Variants in BTBD9 observed in about 807,000 individuals in gnomAD.
BTBD9 encodes the protein BTB/POZ domain-containing protein 9.
Under a neutral mutation model 64.3 loss-of-function variants are expected in BTBD9, and 49 were observed. That is an observed-to-expected ratio of 0.76 (90% CI 0.61 to 0.97). BTBD9 has a LOEUF of 0.97. Among genes scored for constraint, BTBD9 ranks in the 50% least tolerant of loss-of-function variants. The pLI is 0.00. For missense variants in BTBD9, 598 were observed against 762.1 expected (o/e 0.78, Z 2.53); for synonymous variants, 260 against 274.7 (o/e 0.95, Z 0.53).
intron 9 of BTBD9, among the ~76,000 whole-genome samples, chr6:38,215,180 C>T (rs1158924341): frequency 1.3e-5 from 2 of 152,088 alleles, no homozygotes; most frequent in African/African-American, 4.8e-5. Context: ...CAGCAGTGAA[C>T]GTGTGCAATA....
chr6:38,587,766 A>G (rs111438882), intron 4 of BTBD9: 2 of 703,422 alleles, frequency 2.8e-6, no homozygotes, highest in Non-Finnish European at 5.4e-6. Flanking sequence ...GTAGGGAAGA[A>G]AAGCCTGCTT....
intron 9 of BTBD9, among the ~76,000 whole-genome samples, chr6:38,195,768 A>G (rs1425666026): frequency 1.3e-5 from 2 of 151,972 alleles, no homozygotes; most frequent in Non-Finnish European, 2.9e-5. Context: ...TACTTTTTAA[A>G]TTATTTTTTA....
At chr6:38,377,237 A>G (rs984288879) in intron 6 of BTBD9, among the ~76,000 whole-genome samples, 2 of 152,236 alleles carry the variant, frequency 1.3e-5, no homozygotes, top group Non-Finnish European at 1.5e-5. Context: ...AGTTTATTAT[A>G]TAACTATATA....
At chr6:38,368,315 T>C (rs1289670191) in intron 6 of BTBD9, among the ~76,000 whole-genome samples, 1 of 152,162 alleles carries the variant, frequency 6.6e-6, no homozygotes, top group Admixed American at 6.5e-5. Flanking sequence ...ATGCATGCGC[T>C]ATACTAGAGC....
At chr6:38,228,351 CAAAAAAA>C (rs1554130232) in intron 9 of BTBD9, among the ~76,000 whole-genome samples, 1 of 28,322 alleles carries the variant, frequency 3.5e-5, no homozygotes, top group Non-Finnish European at 6.6e-5. Flanking sequence ...TCCCCCCCCC[CAAAAAAA>C]AAAAAAAAAA....
chr6:38,356,609 T>G (rs1764738147), intron 6 of BTBD9, among the ~76,000 whole-genome samples: 1 of 152,192 alleles, frequency 6.6e-6, no homozygotes, highest in African/African-American at 2.4e-5. Context: ...TCCATATCCT[T>G]ATACAGGTTC....
intron 9 of BTBD9, among the ~76,000 whole-genome samples, chr6:38,224,848 A>G (rs911853163): frequency 6.6e-6 from 1 of 152,258 alleles, no homozygotes; most frequent in Non-Finnish European, 1.5e-5. Flanking sequence ...GGTAGTACTT[A>G]CATTGTTTAC....
At chr6:38,624,656 G>A (rs114079594) in intron 1 of BTBD9, among the ~76,000 whole-genome samples, 1,978 of 150,948 alleles carry the variant, frequency 0.013, 36 homozygotes, top group African/African-American at 0.044. Flanking sequence ...TACACAAAAT[G>A]GTACACAAAA....
At chr6:38,514,893 C>G (rs1475000018) in intron 6 of BTBD9, among the ~76,000 whole-genome samples, 1 of 152,150 alleles carries the variant, frequency 6.6e-6, no homozygotes. Flanking sequence ...TACAAGTGAC[C>G]TCTGGTTACC....
At chr6:38,327,525 C>G (rs564078540) in intron 7 of BTBD9, among the ~76,000 whole-genome samples, 1 of 152,306 alleles carries the variant, frequency 6.6e-6, no homozygotes, top group South Asian at 2.1e-4. Context: ...CAAAGACTGC[C>G]AAAATCTTTT....
chr6:38,474,571 A>G (rs912147411), intron 6 of BTBD9, among the ~76,000 whole-genome samples: 2 of 151,956 alleles, frequency 1.3e-5, no homozygotes, highest in East Asian at 1.9e-4. Flanking sequence ...GAGAAGAGAA[A>G]AGAAAAAGGA....
At chr6:38,327,131 G>A (rs994738872) in intron 7 of BTBD9, among the ~76,000 whole-genome samples, 1 of 152,040 alleles carries the variant, frequency 6.6e-6, no homozygotes, top group Non-Finnish European at 1.5e-5. Flanking sequence ...GTAATGTTGT[G>A]ATTTTTAAGT....
chr6:38,517,847 C>T (rs1562287619), intron 6 of BTBD9, among the ~76,000 whole-genome samples: 1 of 152,092 alleles, frequency 6.6e-6, no homozygotes, highest in Non-Finnish European at 1.5e-5. Flanking sequence ...TTCCTTTTGC[C>T]CTTACCCTTA....
At chr6:38,346,710 C>T (rs1426179966) in intron 6 of BTBD9, among the ~76,000 whole-genome samples, 1 of 152,154 alleles carries the variant, frequency 6.6e-6, no homozygotes, top group Non-Finnish European at 1.5e-5. Flanking sequence ...TGACAATCTC[C>T]CTGGTGCTTT....
At chr6:38,489,900 G>GT (rs1771626152) in intron 6 of BTBD9, among the ~76,000 whole-genome samples, 1 of 152,126 alleles carries the variant, frequency 6.6e-6, no homozygotes, top group African/African-American at 2.4e-5. Context: ...CACAAATATT[G>GT]TATGTTTCCC....
At chr6:38,179,919 G>A (rs879126931) in intron 10 of BTBD9, 35 of 432,220 alleles carry the variant, frequency 8.1e-5, no homozygotes, top group Non-Finnish European at 1.4e-4. Flanking sequence ...CAAAGGGAAC[G>A]AGGAGAAGAT....
chr6:38,279,441 A>G (rs1407540335), intron 8 of BTBD9, among the ~76,000 whole-genome samples: 1 of 138,030 alleles, frequency 7.2e-6, no homozygotes, highest in South Asian at 2.2e-4. Context: ...TTAATTCAAG[A>G]ATTAGCCTTA....
chr6:38,432,097 G>A (rs1237145269), intron 6 of BTBD9, among the ~76,000 whole-genome samples: 1 of 151,958 alleles, frequency 6.6e-6, no homozygotes, highest in East Asian at 1.9e-4. Flanking sequence ...GCTACCTCAA[G>A]AGTAGGTTGT....
chr6:38,573,365 A>AT (rs1418140429), intron 6 of BTBD9, among the ~76,000 whole-genome samples: 7 of 152,106 alleles, frequency 4.6e-5, no homozygotes, highest in Non-Finnish European at 8.8e-5. Context: ...CATTTTGATA[A>AT]TTTTTTAAAA....
Sources: allele counts gnomAD v4.1 joint callset (sites outside exome capture counted in the v4.1 genomes callset), GRCh38; gene constraint gnomAD v4.1.1; transcripts MANE v1.5; gene names NCBI Gene and HGNC (gene_info 2026-07-23, HGNC 2026-07-21).